The following DSE variants were observed in gnomAD, a reference collection of about 807,000 sequenced individuals.
The protein encoded by DSE is dermatan-sulfate epimerase.
In DSE, 36 loss-of-function variants were observed where a neutral mutation model predicts 84.4. The ratio of observed to expected loss-of-function variants is 0.43; its 90% CI spans 0.33 to 0.56. The LOEUF is 0.56. Among genes scored for constraint, DSE ranks in the 20% least tolerant of loss-of-function variants. The probability of loss-of-function intolerance (pLI) is 0.06; values close to 1 mark genes in which losing one functional copy is unlikely to be tolerated. For synonymous variants in DSE, 410 were observed against 430.1 expected (o/e 0.95, Z 0.58); for missense variants, 862 against 1,169.6 (o/e 0.74, Z 3.84).
At chr6:116,360,657 G>A (rs560525039) in intron 2 of DSE, among the ~76,000 whole-genome samples, 186 of 152,258 alleles carry the variant, frequency 1.2e-3, no homozygotes, top group Middle Eastern at 3.4e-3. Context: ...CACGTTGGCC[G>A]CATCATAATT....
At chr6:116,258,450 G>T (rs774112175) in exon 2 of DSE, 8 of 846,506 alleles carry the variant, frequency 9.5e-6, no homozygotes, top group Middle Eastern at 4.3e-4. Context: ...TGGTAGGGCT[G>T]CCCTGAAGGG....
Position 116,269,886 on chromosome 6 carries a change from C to T in DSE, c.-54+10919C>T, listed in dbSNP as rs371034319. ...AATCTTTGCTTATAATAGACTAACA[C>T]ATTCAGTTCATCAATATTGGATCAA... On this transcript the variant is annotated intron_variant, in intron 2 of 3. Coordinates refer to the DSE transcript ENST00000430252. 5.9e-5 allele frequency among the ~76,000 whole-genome samples: 9 copies of T among 152,246 alleles called. No homozygotes were observed. The South Asian group carries it at 1.9e-3, about 32-fold the overall frequency.
intron 2 of DSE, among the ~76,000 whole-genome samples, chr6:116,338,978 C>G (rs1777429569): frequency 6.6e-6 from 1 of 152,184 alleles, no homozygotes; most frequent in Non-Finnish European, 1.5e-5. Flanking sequence ...TTGCTCCAAT[C>G]TTTCTCTTAT....
chr6:116,272,866 T>A (rs962276615), intron 2 of DSE, among the ~76,000 whole-genome samples: 1 of 152,252 alleles, frequency 6.6e-6, no homozygotes, highest in African/African-American at 2.4e-5. Flanking sequence ...TTTAATTGAT[T>A]GCATATTATA....
At chr6:116,287,677 T>C (rs1774006260) in intron 2 of DSE, among the ~76,000 whole-genome samples, 1 of 152,108 alleles carries the variant, frequency 6.6e-6, no homozygotes, top group Non-Finnish European at 1.5e-5. Context: ...AGAGCATTTT[T>C]TGTTGAGGGA....
At chr6:116,262,172 T>G (rs1344190320) in intron 2 of DSE, among the ~76,000 whole-genome samples, 3 of 152,232 alleles carry the variant, frequency 2.0e-5, no homozygotes, top group Admixed American at 6.5e-5. Context: ...GTAGGGATGA[T>G]ACTAGTTCTT....
rs151018634 is a variant in DSE at position 116,427,964 on chromosome 6, G to A, written c.670+1137G>A. Among the ~76,000 whole-genome samples, 163 of 152,286 alleles carry A rather than the reference G, an allele frequency of 1.1e-3. No individual in the cohort carries two copies. In the East Asian group the frequency reaches 0.014, roughly 14 times the overall value. Reference sequence around the variant, plus strand: ...AGCACTTTGGAAGGCCAAAGCGGGCGGATCACTTGAGGACAGGAGTTCGAG... The same window carrying A: ...AGCACTTTGGAAGGCCAAAGCGGGCAGATCACTTGAGGACAGGAGTTCGAG... On this transcript the variant is annotated intron_variant, in intron 3 of 5. Transcript: ENST00000644252.
chr6:116,399,307 T>G lies in DSE; in HGVS notation c.57T>G (p.Phe19Leu), dbSNP rs991624301. 1.2e-6 allele frequency: 2 copies of G among 1,614,090 alleles called. No homozygotes were observed. The highest frequency in any genetic ancestry group is 1.7e-6 in the Non-Finnish European group (2 of 1,180,038). The change falls in exon 2 of 6, where the codon TTT becomes TTG. Residue 19 changes from phenylalanine to leucine, a missense_variant. By Grantham distance (22) the Phe-to-Leu change is conservative (BLOSUM62 0). Transcript: ENST00000644252. ...TGTTTTTCATATATTTGCTTTGCTTTGTGTCAGCCTACATCACCGACGAGA... is the reference window on the plus strand; with the variant it reads ...TGTTTTTCATATATTTGCTTTGCTTGGTGTCAGCCTACATCACCGACGAGA... ...PSVFFIYLLCFVSAYITDENP... is the reference protein window; with the variant it reads ...PSVFFIYLLCLVSAYITDENP...
chr6:116,394,435 G>A (rs1562278197), intron 1 of DSE, among the ~76,000 whole-genome samples: 2 of 137,438 alleles, frequency 1.5e-5, no homozygotes, highest in East Asian at 2.0e-4. Context: ...CAGTAACAGC[G>A]TGATTTTTTT....
rs1774898720 is a variant in DSE at position 116,299,549 on chromosome 6, T to TATATAC, written c.-54+40585_-54+40586insTACATA. On this transcript the variant is annotated intron_variant, in intron 2 of 3. Coordinates refer to the DSE transcript ENST00000430252. ...ATATATATATATATATATATATATA[T>TATATAC]ATACACATACACACACACACACACA... Among the ~76,000 whole-genome samples the TATATAC allele has an allele frequency of 3.9e-5, 2 of 50,824 alleles. 1 individual carries two copies. The highest frequency in any genetic ancestry group is 3.0e-4 in the African/African-American group (2 of 6,748). 33.3% of individuals were successfully genotyped at this position (50,824 alleles called of 152,430 possible). A position where few individuals can be genotyped will look rare whatever the true frequency, so the allele number is the denominator to read the frequency against.
chr6:116,345,203 G>T (rs1777875766), intron 2 of DSE, among the ~76,000 whole-genome samples: 1 of 152,152 alleles, frequency 6.6e-6, no homozygotes, highest in Non-Finnish European at 1.5e-5. Context: ...ACATTCGACA[G>T]ATCAATGAGA....
chr6:116,259,312 C>G (rs537407298), intron 2 of DSE: 1 of 499,444 alleles, frequency 2.0e-6, no homozygotes, highest in African/African-American at 1.9e-5. Context: ...ATGGTTATAC[C>G]TGTAGACTTA....
At position 116,443,381 on chromosome 6, in the gene DSE, A is replaced by C. The variant is rs1306238156; in HGVS notation, c.*6036A>C. ...CCTTAATAAGCCCAGGAAATTGTTC[A>C]AATATTTCTGCCATTTGTGTTTTCA... On this transcript the variant is annotated 3_prime_UTR_variant, in exon 6 of 6. Coordinates refer to ENST00000644252, the MANE Select transcript of DSE (RefSeq NM_013352.4). 2 of 152,190 alleles carry C rather than the reference A, an allele frequency of 1.3e-5. No homozygotes were observed. Among genetic ancestry groups the C allele is most frequent in the African/African-American group, 4.8e-5 (2 of 41,450 alleles). The allele number at this position is 152,190 out of a possible 1,614,324, so 9.4% of individuals were successfully genotyped here.
At chr6:116,433,236 A>C (rs1440725763) in intron 4 of DSE, 107 bp from the exon 5 acceptor site, 1 of 1,078,910 alleles carries the variant, frequency 9.3e-7, no homozygotes, top group Non-Finnish European at 1.3e-6. Flanking sequence ...TATCCCTTCC[A>C]TTACACAATT....
chr6:116,278,750 G>A, intron 2 of DSE: 2 of 1,614,128 alleles, frequency 1.2e-6, no homozygotes, highest in Non-Finnish European at 1.7e-6. Flanking sequence ...TGGGGTTCAT[G>A]CCCCCTGCGC....
At chr6:116,394,202 G>A (rs1176895005) in intron 1 of DSE, among the ~76,000 whole-genome samples, 1 of 152,204 alleles carries the variant, frequency 6.6e-6, no homozygotes, top group Non-Finnish European at 1.5e-5. Flanking sequence ...TAGGATCACA[G>A]AAACGAAGTT....
chr6:116,259,970 G>A (rs1562188147), intron 2 of DSE, among the ~76,000 whole-genome samples: 1 of 152,148 alleles, frequency 6.6e-6, no homozygotes, highest in Non-Finnish European at 1.5e-5. Flanking sequence ...GTGTCTTTAT[G>A]ATAGAATGAC....
chr6:116,370,777 CGG>C, upstream of DSE: 1 of 958,084 alleles, frequency 1.0e-6, no homozygotes. Context: ...GGCCTGCGGT[CGG>C]GGTTCGGCCG....
At chr6:116,392,043 G>A (rs1780942551) in intron 1 of DSE, among the ~76,000 whole-genome samples, 1 of 152,116 alleles carries the variant, frequency 6.6e-6, no homozygotes, top group South Asian at 2.1e-4. Context: ...AGAAAAGTGA[G>A]GAGACCTTTT....
Sources: allele counts gnomAD v4.1 joint callset (sites outside exome capture counted in the v4.1 genomes callset), GRCh38; gene constraint gnomAD v4.1.1; transcripts MANE v1.5; gene names NCBI Gene and HGNC (gene_info 2026-07-23, HGNC 2026-07-21).